The following CDH1 variants were observed in gnomAD, a reference collection of about 807,000 sequenced individuals.
The protein encoded by CDH1 is cadherin 1.
Under a neutral mutation model 84.5 loss-of-function variants are expected in CDH1, and 35 were observed. That is an observed-to-expected ratio of 0.41 (90% CI 0.32 to 0.55). The LOEUF (loss-of-function observed/expected upper bound fraction) is 0.55, where lower values mean the gene tolerates loss of function less well. Among genes scored for constraint, CDH1 ranks in the 20% least tolerant of loss-of-function variants. The pLI is 0.19. For synonymous variants in CDH1, 417 were observed against 439.0 expected (o/e 0.95, Z 0.63); for missense variants, 994 against 1,126.6 (o/e 0.88, Z 1.68).
At chr16:68,786,534 CTTTTTTTTT>C (rs3074434) in intron 2 of CDH1, among the ~76,000 whole-genome samples, 1 of 73,914 alleles carries the variant, frequency 1.4e-5, no homozygotes, top group African/African-American at 5.9e-5. Flanking sequence ...TTTTTTTTTT[CTTTTTTTTT>C]TTTTTTTTTT....
At chr16:68,807,990 T>C (rs1383341268) in intron 3 of CDH1, among the ~76,000 whole-genome samples, 6 of 152,296 alleles carry the variant, frequency 3.9e-5, no homozygotes, top group Non-Finnish European at 8.8e-5. Context: ...GAGGGATGGC[T>C]TGAGCCTGGG....
intron 12 of CDH1, chr16:68,822,661 G>T: frequency 2.7e-6 from 1 of 370,662 alleles, no homozygotes; most frequent in African/African-American, 2.1e-5. Flanking sequence ...TGCATATATG[G>T]GCTTCCTACA....
At chr16:68,806,326 T>G (rs1218801973) in intron 3 of CDH1, among the ~76,000 whole-genome samples, 1 of 151,902 alleles carries the variant, frequency 6.6e-6, no homozygotes, top group African/African-American at 2.4e-5. Context: ...ATTTTTGTAT[T>G]TTTAGTAGAG....
chr16:68,748,700 T>C (rs1012933529), intron 2 of CDH1, among the ~76,000 whole-genome samples: 10 of 152,216 alleles, frequency 6.6e-5, no homozygotes, highest in African/African-American at 1.9e-4. Context: ...TGGCAGATAT[T>C]GCCTTCCACA....
rs970542777 is a variant in CDH1, at chr16:68,829,683, C to A, written c.2325C>A (p.Gly775=). The A allele has an allele frequency of 6.2e-7, 1 of 1,614,100 alleles. No homozygotes were observed. The highest frequency in any genetic ancestry group is 1.7e-5 in the Admixed American group (1 of 60,016). Residue 775 remains glycine, a synonymous_variant, in exon 15 of 16, where the codon GGC becomes GGA. Transcript: ENST00000261769. ...TTGACTTGAGCCAGCTGCACAGGGG[C>A]CTGGACGCTCGGCCTGAAGTGACTC... ...QDFDLSQLHR[G]LDARPEVTRN... is the part of the protein sequence containing the mutation.
At position 68,818,040 on chromosome 16, in the gene CDH1, A is replaced by T. The variant is rs35056654; in HGVS notation, c.1566-1240A>T. Among the ~76,000 whole-genome samples, 1,279 of 152,176 alleles carry T rather than the reference A, an allele frequency of 8.4e-3. 13 individuals carry two copies. Among genetic ancestry groups the T allele is most frequent in the Middle Eastern group, 0.048 (14 of 294 alleles). On this transcript the variant is annotated intron_variant, in intron 10 of 15. Transcript: ENST00000261769. ...GATCATCTGAGGTCAGGAGATCGAG[A>T]CTATCCTGGCTAACATGGTGAAACC... is the stretch of plus-strand genomic sequence containing the variant.
chr16:68,743,281 CTCTTTCTTTCTTTCTTTCTT>C (rs751271382), intron 2 of CDH1, among the ~76,000 whole-genome samples: 1,496 of 135,664 alleles, frequency 0.011, 111 homozygotes, highest in East Asian at 0.015. Flanking sequence ...CTTGCTGGGT[CTCTTTCTTTCTTTCTTTCTT>C]TCTTTCTTTC....
intron 2 of CDH1, 22 bp downstream of exon 2, chr16:68,738,433 C>T: frequency 1.3e-6 from 2 of 1,505,022 alleles, no homozygotes; most frequent in Non-Finnish European, 1.8e-6. Flanking sequence ...CTGCCGGTGT[C>T]CCTGGGCGGA....
chr16:68,814,756 C>G (rs1454564907), intron 9 of CDH1, among the ~76,000 whole-genome samples: 1 of 151,792 alleles, frequency 6.6e-6, no homozygotes, highest in Non-Finnish European at 1.5e-5. Flanking sequence ...GAAAAATGTC[C>G]TAGAAACTTG....
In CDH1 at chr16:68,834,562, C is replaced by T. The variant is rs1042494185; in HGVS notation, c.*1063C>T. The T allele has an allele frequency of 3.2e-5, 8 of 253,404 alleles. No homozygotes were observed. The highest frequency in any genetic ancestry group is 6.1e-5 in the Non-Finnish European group (8 of 130,296). 15.7% of individuals were successfully genotyped at this position (253,404 alleles called of 1,614,324 possible). On this transcript the variant is annotated 3_prime_UTR_variant, in exon 16 of 16. Transcript: ENST00000261769. ...CTCACTCCTGAATTCAGTTGCTTTGCCCAAGATAGGAGTTCTCTGATGCAG... is the reference window on the plus strand; with the variant it reads ...CTCACTCCTGAATTCAGTTGCTTTGTCCAAGATAGGAGTTCTCTGATGCAG...
At chr16:68,786,544 T>C (rs1448908533) in intron 2 of CDH1, among the ~76,000 whole-genome samples, 1 of 140,278 alleles carries the variant, frequency 7.1e-6, no homozygotes, top group Non-Finnish European at 1.5e-5. Context: ...CTTTTTTTTT[T>C]TTTTTTTTTG....
intron 2 of CDH1, chr16:68,771,209 AC>A (rs1959563484): frequency 6.6e-6 from 1 of 152,230 alleles, no homozygotes; most frequent in African/African-American, 2.4e-5. Context: ...TGCTACTCAC[AC>A]CTACGCTTTC....
At chr16:68,776,417 C>G (rs1270478177) in intron 2 of CDH1, among the ~76,000 whole-genome samples, 1 of 152,170 alleles carries the variant, frequency 6.6e-6, no homozygotes, top group East Asian at 1.9e-4. Flanking sequence ...GCCTGGTGCA[C>G]AGCAGGAGTC....
chr16:68,833,682 G>A lies in CDH1; in HGVS notation c.*183G>A, dbSNP rs548033739. 1 of 595,218 alleles carries A rather than the reference G, an allele frequency of 1.7e-6. No individual in the cohort carries two copies. Among genetic ancestry groups the A allele is most frequent in the East Asian group, 2.8e-5 (1 of 35,208 alleles). 36.9% of individuals were successfully genotyped at this position (595,218 alleles called of 1,614,324 possible). ...TTATAGCTCTAATAAGTTTGTGTTAGAAAAGTTTCGACTTATTTCTTAAAG... is the reference window on the plus strand; with the variant it reads ...TTATAGCTCTAATAAGTTTGTGTTAAAAAAGTTTCGACTTATTTCTTAAAG... On this transcript the variant is annotated 3_prime_UTR_variant, in exon 16 of 16. Coordinates refer to ENST00000261769, the MANE Select transcript of CDH1 (RefSeq NM_004360.5).
rs1960502529 is a variant in CDH1, at chr16:68,801,652, G to A, written c.164-18G>A. ...TAATCTGTCCAATTTCCTAATCTCT[G>A]TGATTTCTGCCCTGCAGTGAATTTT... On this transcript the variant is annotated intron_variant, in intron 2 of 15. Transcript: ENST00000261769. 6.2e-7 allele frequency: 1 copy of A among 1,600,062 alleles called. No homozygotes were observed. The highest frequency in any genetic ancestry group is 2.2e-5 in the East Asian group (1 of 44,814).
chr16:68,793,060 AC>A (rs1960253685), intron 2 of CDH1, among the ~76,000 whole-genome samples: 1 of 152,182 alleles, frequency 6.6e-6, no homozygotes, highest in Non-Finnish European at 1.5e-5. Flanking sequence ...TCGCCTGTCA[AC>A]AGGGGTGCAG....
intron 2 of CDH1, among the ~76,000 whole-genome samples, chr16:68,799,634 T>C (rs1218079047): frequency 6.6e-6 from 1 of 152,196 alleles, no homozygotes; most frequent in Non-Finnish European, 1.5e-5. Flanking sequence ...CCTCTCATAC[T>C]GTCACTTCTC....
chr16:68,828,405 G>A, intron 14 of CDH1, 101 bp downstream of exon 14: 2 of 1,250,542 alleles, frequency 1.6e-6, no homozygotes, highest in Non-Finnish European at 2.3e-6. Context: ...GAATCACTTT[G>A]GATATTATCT....
intron 5 of CDH1, 43 bp downstream of exon 5, chr16:68,808,891 A>G (rs760514393): frequency 6.2e-7 from 1 of 1,607,946 alleles, no homozygotes; most frequent in Non-Finnish European, 8.5e-7. Context: ...GGTAACATCC[A>G]CCCAGGATTT....
Sources: gnomAD v4.1 joint callset for allele counts (sites outside exome capture counted in the v4.1 genomes callset) on GRCh38, gnomAD v4.1.1 for gene constraint, MANE v1.5 for transcripts, NCBI Gene and HGNC (gene_info 2026-07-23, HGNC 2026-07-21) for gene names.